The following SCAI variants were observed in gnomAD, a reference collection of about 807,000 sequenced individuals.
SCAI encodes suppressor of cancer cell invasion.
SCAI carries 24 observed loss-of-function variants against 92.2 expected under a neutral mutation model. That is an observed-to-expected ratio of 0.26 (90% CI 0.19 to 0.37). SCAI has a LOEUF of 0.37. Ranked by LOEUF, SCAI falls within the 10% of genes least tolerant of loss-of-function variation. SCAI has a pLI of 1.00. For missense variants in SCAI, 450 were observed against 736.2 expected (o/e 0.61, Z 4.50); for synonymous variants, 261 against 258.6 (o/e 1.01, Z -0.09).
intron 17 of SCAI, among the ~76,000 whole-genome samples, chr9:124,958,164 T>C (rs1039491067): frequency 1.3e-5 from 2 of 152,178 alleles, no homozygotes; most frequent in African/African-American, 4.8e-5. Context: ...AAATAGTAAT[T>C]CCCCACAGGT....
intron 14 of SCAI, among the ~76,000 whole-genome samples, chr9:124,991,794 ACCACTGTACTCCAGCCTGGGCGAC>A (rs1244162578): frequency 8.6e-5 from 13 of 151,852 alleles, no homozygotes; most frequent in Non-Finnish European, 1.8e-4. Context: ...CCAAGATTGC[ACCACTGTACTCCAGCCTGGGCGAC>A]AGAGCAAGAC....
chr9:125,123,650 CTGGA>C (rs1835205120), intron 2 of SCAI, among the ~76,000 whole-genome samples: 1 of 152,110 alleles, frequency 6.6e-6, no homozygotes, highest in Non-Finnish European at 1.5e-5. Context: ...TGGCGGGCAC[CTGGA>C]ATCTCAGCTA....
intron 3 of SCAI, among the ~76,000 whole-genome samples, chr9:125,044,530 AG>A (rs1270156477): frequency 6.6e-6 from 1 of 152,104 alleles, no homozygotes; most frequent in Non-Finnish European, 1.5e-5. Flanking sequence ...GCTACCTACT[AG>A]GGGTCTCCTG....
At chr9:125,086,323 T>C (rs1415847113) in intron 2 of SCAI, among the ~76,000 whole-genome samples, 1 of 152,188 alleles carries the variant, frequency 6.6e-6, no homozygotes, top group East Asian at 1.9e-4. Flanking sequence ...GCCTGCTCTA[T>C]GGCTGCCACT....
chr9:125,107,188 A>G (rs1444299049), intron 2 of SCAI, among the ~76,000 whole-genome samples: 1 of 152,034 alleles, frequency 6.6e-6, no homozygotes, highest in Non-Finnish European at 1.5e-5. Context: ...AGGGGAGAGG[A>G]TCACAAGGTC....
At chr9:124,990,902 T>C (rs1832104994) in intron 14 of SCAI, among the ~76,000 whole-genome samples, 1 of 152,098 alleles carries the variant, frequency 6.6e-6, no homozygotes, top group East Asian at 1.9e-4. Context: ...TCTTCATAAA[T>C]ACTGTAGCTG....
At chr9:125,035,201 A>G (rs1833167360) in intron 3 of SCAI, among the ~76,000 whole-genome samples, 1 of 152,008 alleles carries the variant, frequency 6.6e-6, no homozygotes, top group Admixed American at 6.6e-5. Context: ...AGCAAAAATG[A>G]AACAATTAGC....
chr9:125,052,381 G>A (rs1833577291), intron 3 of SCAI, among the ~76,000 whole-genome samples: 1 of 152,144 alleles, frequency 6.6e-6, no homozygotes, highest in Admixed American at 6.5e-5. Flanking sequence ...GACCAGCCTG[G>A]CCAACATGGT....
At position 125,040,824 on chromosome 9, in the gene SCAI, G is replaced by A. The variant is rs181218690; in HGVS notation, c.231-11085C>T. ...TTTTTTTTGCATTTTTAATAGAGAC[G>A]GGGTTTCACCATATTGGCCAGGCTA... is the stretch of plus-strand genomic sequence containing the variant. On this transcript the variant is annotated intron_variant, in intron 3 of 17. Transcript: ENST00000336505. Among the ~76,000 whole-genome samples the A allele has an allele frequency of 2.4e-3, 362 of 151,130 alleles. 1 individual carries two copies. The highest frequency in any genetic ancestry group is 7.2e-3 in the African/African-American group (298 of 41,118).
intron 14 of SCAI, among the ~76,000 whole-genome samples, chr9:124,976,402 G>A (rs1831754994): frequency 6.6e-6 from 1 of 152,200 alleles, no homozygotes; most frequent in Non-Finnish European, 1.5e-5. Context: ...AGTTTACTGA[G>A]TGAACTACTG....
chr9:124,959,650 C>T (rs1277589749), intron 17 of SCAI, among the ~76,000 whole-genome samples: 1 of 151,632 alleles, frequency 6.6e-6, no homozygotes, highest in Non-Finnish European at 1.5e-5. Context: ...TCGTCATTTA[C>T]ATTAGGTATA....
At chr9:124,972,569 A>T (rs932137282) in intron 15 of SCAI, among the ~76,000 whole-genome samples, 1 of 152,126 alleles carries the variant, frequency 6.6e-6, no homozygotes, top group Non-Finnish European at 1.5e-5. Context: ...AAATTTAATG[A>T]CTCACACTCT....
chr9:125,082,442 C>T (rs1415059693), intron 2 of SCAI, among the ~76,000 whole-genome samples: 3 of 152,188 alleles, frequency 2.0e-5, no homozygotes, highest in African/African-American at 7.2e-5. Flanking sequence ...GGGTTGGAAT[C>T]CCCACACAGA....
At chr9:125,052,568 G>A (rs1173706250) in intron 3 of SCAI, among the ~76,000 whole-genome samples, 1 of 151,714 alleles carries the variant, frequency 6.6e-6, no homozygotes, top group Non-Finnish European at 1.5e-5. Flanking sequence ...AGGTTGCAGT[G>A]AGCAAGATCG....
chr9:125,118,126 AAC>A (rs1835085899), intron 2 of SCAI, among the ~76,000 whole-genome samples: 1 of 151,710 alleles, frequency 6.6e-6, no homozygotes, highest in Non-Finnish European at 1.5e-5. Context: ...TGATTTAAAA[AAC>A]ACATAGTGAA....
intron 17 of SCAI, among the ~76,000 whole-genome samples, chr9:124,967,072 T>C (rs1831555836): frequency 6.6e-6 from 1 of 152,246 alleles, no homozygotes; most frequent in Non-Finnish European, 1.5e-5. Flanking sequence ...TTTAATGTCC[T>C]GGAGCCTTGT....
intron 2 of SCAI, among the ~76,000 whole-genome samples, chr9:125,108,623 C>A (rs1834864337): frequency 6.8e-6 from 1 of 146,330 alleles, no homozygotes; most frequent in Non-Finnish European, 1.5e-5. Context: ...AAGTGAGGAG[C>A]CCCTCCGCCC....
intron 2 of SCAI, among the ~76,000 whole-genome samples, chr9:125,127,471 G>T (rs7022708): frequency 1.3e-5 from 2 of 149,880 alleles, no homozygotes; most frequent in East Asian, 3.9e-4. Context: ...CTCAAACTAC[G>T]CTCTCACCTC....
At chr9:125,105,665 T>C (rs1404281525) in intron 2 of SCAI, among the ~76,000 whole-genome samples, 1 of 152,230 alleles carries the variant, frequency 6.6e-6, no homozygotes, top group Non-Finnish European at 1.5e-5. Context: ...CACAATTGCT[T>C]ATACATATTG....
Sources: allele counts gnomAD v4.1 joint callset (sites outside exome capture counted in the v4.1 genomes callset), GRCh38; gene constraint gnomAD v4.1.1; transcripts MANE v1.5; gene names NCBI Gene and HGNC (gene_info 2026-07-23, HGNC 2026-07-21).